The following CTNNA2 variants were observed in gnomAD, a reference collection of about 807,000 sequenced individuals.
CTNNA2 encodes catenin alpha 2, also known as catenin alpha-2.
In CTNNA2, 42 loss-of-function variants were observed where a neutral mutation model predicts 101.0. That is an observed-to-expected ratio of 0.42 (90% CI 0.32 to 0.54). The LOEUF is 0.54. Ranked by LOEUF, CTNNA2 falls within the 20% of genes least tolerant of loss-of-function variation. CTNNA2 has a pLI of 0.14. For missense variants in CTNNA2, 871 were observed against 1,223.1 expected, an observed-to-expected ratio of 0.71 and a Z score of 4.29; for synonymous variants, 450 against 456.4, an observed-to-expected ratio of 0.99 and a Z score of 0.18.
At chr2:80,413,974 T>C (rs1327089217) in intron 8 of CTNNA2, among the ~76,000 whole-genome samples, 1 of 152,218 alleles carries the variant, frequency 6.6e-6, no homozygotes, top group Non-Finnish European at 1.5e-5. Context: ...AGATGTTAAA[T>C]GGTCAGGCAT....
chr2:80,089,527 C>CTTT (rs10655675), intron 7 of CTNNA2, among the ~76,000 whole-genome samples: 2 of 148,864 alleles, frequency 1.3e-5, no homozygotes, highest in African/African-American at 4.9e-5. Flanking sequence ...CTCATAGATA[C>CTTT]TTTTTTTTTT....
intron 1 of CTNNA2, among the ~76,000 whole-genome samples, chr2:79,640,964 A>G (rs1239159981): frequency 1.3e-5 from 2 of 152,196 alleles, no homozygotes; most frequent in African/African-American, 4.8e-5. Flanking sequence ...ATGAAGGTGC[A>G]GGTTAAGGAT....
At position 80,190,216 on chromosome 2, in the gene CTNNA2, A is replaced by C. The variant is rs535694226; in HGVS notation, c.1057-202995A>C. 2.0e-4 allele frequency among the ~76,000 whole-genome samples: 31 copies of C among 152,160 alleles called. No homozygotes were observed. The South Asian group carries it at 6.5e-3, about 32-fold the overall frequency. On this transcript the variant is annotated intron_variant, in intron 7 of 18. Coordinates refer to ENST00000402739, the MANE Select transcript of CTNNA2 (RefSeq NM_001282597.3). Reference sequence around the variant, plus strand: ...AGGAGACCCAGAGCCAGCAAATGTGACATGGGGTTTTACTAGGGGCTGATT... The same window carrying C: ...AGGAGACCCAGAGCCAGCAAATGTGCCATGGGGTTTTACTAGGGGCTGATT...
chr2:80,309,608 G>A (rs1001476263), intron 7 of CTNNA2, among the ~76,000 whole-genome samples: 14 of 152,294 alleles, frequency 9.2e-5, no homozygotes, highest in African/African-American at 3.4e-4. Flanking sequence ...GGCTATCTCA[G>A]AGGATACTTG....
chr2:79,305,375 T>C (rs770959273), intron 2 of CTNNA2, among the ~76,000 whole-genome samples: 223 of 115,734 alleles, frequency 1.9e-3, no homozygotes, highest in Middle Eastern at 5.6e-3. Flanking sequence ...TATATACACA[T>C]ATATATATAT....
chr2:79,311,302 G>C (rs565212608), intron 2 of CTNNA2, among the ~76,000 whole-genome samples: 1 of 151,684 alleles, frequency 6.6e-6, no homozygotes, highest in Non-Finnish European at 1.5e-5. Flanking sequence ...CCAGCTACTC[G>C]GGAGGCTGAG....
chr2:80,305,191 C>A (rs1676805991), intron 7 of CTNNA2: 1 of 985,256 alleles, frequency 1.0e-6, no homozygotes, highest in African/African-American at 1.7e-5. Flanking sequence ...GGTTTTTTCC[C>A]CCTCTTGCGG....
At chr2:79,242,030 C>G (rs1674633202) in intron 2 of CTNNA2, among the ~76,000 whole-genome samples, 2 of 152,068 alleles carry the variant, frequency 1.3e-5, no homozygotes, top group Admixed American at 1.3e-4. Flanking sequence ...CTCAGCCTCC[C>G]TAGTAGCTGG....
intron 9 of CTNNA2, among the ~76,000 whole-genome samples, chr2:80,500,853 T>G (rs959694207): frequency 2.6e-5 from 4 of 152,168 alleles, no homozygotes; most frequent in African/African-American, 9.6e-5. Context: ...TAATAAGCTA[T>G]TTTTCATTAA....
chr2:79,437,091 G>A (rs531188694), intron 4 of CTNNA2, among the ~76,000 whole-genome samples: 7 of 152,062 alleles, frequency 4.6e-5, no homozygotes, highest in South Asian at 2.1e-4. Flanking sequence ...AAAATTAGCC[G>A]GGTATGGTGG....
chr2:80,172,371 C>A (rs994811883), intron 7 of CTNNA2, among the ~76,000 whole-genome samples: 4 of 152,106 alleles, frequency 2.6e-5, no homozygotes, highest in African/African-American at 9.7e-5. Flanking sequence ...GGTTACTGGC[C>A]AGACTATGGG....
chr2:80,078,778 G>A (rs1260394114), intron 7 of CTNNA2, among the ~76,000 whole-genome samples: 1 of 152,128 alleles, frequency 6.6e-6, no homozygotes, highest in Non-Finnish European at 1.5e-5. Flanking sequence ...TTTGCCAGGG[G>A]CATTTGGTGC....
chr2:79,662,000 G>A (rs979333472), intron 2 of CTNNA2, among the ~76,000 whole-genome samples: 5 of 151,792 alleles, frequency 3.3e-5, no homozygotes, highest in African/African-American at 9.7e-5. Flanking sequence ...AGGGTAAAAG[G>A]GAAGAGAGTA....
chr2:80,251,924 G>A (rs1055893408), intron 7 of CTNNA2, among the ~76,000 whole-genome samples: 5 of 152,150 alleles, frequency 3.3e-5, no homozygotes, highest in Admixed American at 2.6e-4. Flanking sequence ...AAATGTCAGC[G>A]TTTTAAATGG....
At chr2:79,519,160 C>T (rs1338709344) in intron 1 of CTNNA2, among the ~76,000 whole-genome samples, 3 of 144,406 alleles carry the variant, frequency 2.1e-5, no homozygotes, top group South Asian at 2.2e-4. Context: ...ACCCAGGAGG[C>T]GGAGGCTGCA....
chr2:80,247,607 T>C (rs139572267), intron 7 of CTNNA2, among the ~76,000 whole-genome samples: 2 of 152,296 alleles, frequency 1.3e-5, no homozygotes, highest in East Asian at 3.9e-4. Context: ...TCTCTCTCTT[T>C]TGTTTACTTT....
intron 4 of CTNNA2, among the ~76,000 whole-genome samples, chr2:79,491,720 T>G (rs1020361086): frequency 6.6e-6 from 1 of 152,028 alleles, no homozygotes; most frequent in African/African-American, 2.4e-5. Flanking sequence ...AAAGAGAGAT[T>G]TGGGAAGCTG....
intron 4 of CTNNA2, among the ~76,000 whole-genome samples, chr2:79,439,642 A>T (rs936717354): frequency 6.6e-6 from 1 of 152,190 alleles, no homozygotes; most frequent in Non-Finnish European, 1.5e-5. Flanking sequence ...GCAGATTCAG[A>T]TTCAGTAAGT....
At chr2:80,428,048 C>CT (rs1485310770) in intron 9 of CTNNA2, among the ~76,000 whole-genome samples, 1 of 152,156 alleles carries the variant, frequency 6.6e-6, no homozygotes, top group African/African-American at 2.4e-5. Context: ...GTCTTCCCTT[C>CT]TAAGATGACT....
Sources: gnomAD v4.1 joint callset for allele counts (sites outside exome capture counted in the v4.1 genomes callset) on GRCh38, gnomAD v4.1.1 for gene constraint, MANE v1.5 for transcripts, NCBI Gene and HGNC (gene_info 2026-07-23, HGNC 2026-07-21) for gene names.